The following BRI3BP variants were observed in gnomAD, a reference collection of about 807,000 sequenced individuals.
BRI3BP encodes the protein BRI3 binding protein.
BRI3BP carries 7 observed loss-of-function variants against 15.8 expected under a neutral mutation model. The ratio of observed to expected loss-of-function variants is 0.44; its 90% CI spans 0.25 to 0.83. BRI3BP has a LOEUF of 0.83. BRI3BP is among the 40% of genes least tolerant of loss of function. The pLI is 0.20. For synonymous variants in BRI3BP, 192 were observed against 163.5 expected (o/e 1.17, Z -1.33); for missense variants, 320 against 339.3 (o/e 0.94, Z 0.45).
At chr12:125,008,299 C>CTTTTTTTTTTTTTTTTTTTTTTT (rs55697100) in intron 1 of BRI3BP, among the ~76,000 whole-genome samples, 1 of 99,944 alleles carries the variant, frequency 1.0e-5, no homozygotes, top group Non-Finnish European at 1.8e-5. Context: ...CCTCTTCTTT[C>CTTTTTTTTTTTTTTTTTTTTTTT]TTTTTTTTTT....
intron 1 of BRI3BP, among the ~76,000 whole-genome samples, chr12:124,998,289 A>G (rs74649770): frequency 0.022 from 3,369 of 152,266 alleles, 130 homozygotes; most frequent in African/African-American, 0.074. Context: ...CTCCGTCTCA[A>G]AAAAAATTAT....
intron 2 of BRI3BP, among the ~76,000 whole-genome samples, chr12:125,024,083 AG>A (rs1194520900): frequency 6.6e-6 from 1 of 152,026 alleles, no homozygotes; most frequent in African/African-American, 2.4e-5. Context: ...ACCTGAGACT[AG>A]GTAATGCATA....
rs1302080418 is a variant in BRI3BP, at chr12:125,028,763, GT to G, written c.*3335del. On this transcript the variant is annotated 3_prime_UTR_variant, in exon 3 of 3. Transcript: ENST00000341446. ...CCCCAAAATAATTGGGGATTTTTTT[GT>G]TCCTTCTCCATTCCATGGAACCTTG... 1 of 152,056 alleles carries G rather than the reference GT, an allele frequency of 6.6e-6. No homozygotes were observed. The highest frequency in any genetic ancestry group is 1.5e-5 in the Non-Finnish European group (1 of 67,984). 9.4% of individuals were successfully genotyped at this position (152,056 alleles called of 1,614,324 possible).
chr12:125,023,073 C>T (rs1955314832), intron 2 of BRI3BP, among the ~76,000 whole-genome samples: 1 of 152,198 alleles, frequency 6.6e-6, no homozygotes, highest in African/African-American at 2.4e-5. Context: ...AGATGCTACT[C>T]TTACATTTCA....
chr12:125,025,306 G>GTCCCAGCAA lies in BRI3BP; in HGVS notation c.632_633insTCCCAGCAA (p.Asn217_Ser219dup). 6.2e-7 allele frequency: 1 copy of GTCCCAGCAA among 1,613,600 alleles called. No individual in the cohort carries two copies. The highest frequency in any genetic ancestry group is 8.5e-7 in the Non-Finnish European group (1 of 1,179,842). On this transcript the variant is annotated inframe_insertion, in exon 3 of 3. Coordinates refer to ENST00000341446, the MANE Select transcript of BRI3BP (RefSeq NM_080626.6). ...TTCTACTGGCGAAGCAGTCCCAGCG[G>GTCCCAGCAA]CCCCAGCAACCCCAGCAACCCCAGC...
chr12:125,017,008 G>GTAT (rs1292959723), intron 2 of BRI3BP, among the ~76,000 whole-genome samples: 1 of 146,912 alleles, frequency 6.8e-6, no homozygotes, highest in African/African-American at 2.5e-5. Flanking sequence ...GCTAACGTTT[G>GTAT]TATTATTATT....
chr12:125,001,581 C>G (rs902185554), intron 1 of BRI3BP, among the ~76,000 whole-genome samples: 6 of 151,652 alleles, frequency 4.0e-5, no homozygotes, highest in African/African-American at 1.5e-4. Context: ...CCCTGTGTTG[C>G]CCAGGCTGGT....
the BRI3BP span, among the ~76,000 whole-genome samples, chr12:125,047,472 C>CA: frequency 6.6e-6 from 1 of 150,390 alleles, no homozygotes; most frequent in South Asian, 2.1e-4. Context: ...CGCACCCGGC[C>CA]TTTTTTTTTC....
intron 2 of BRI3BP, 22 bp from the exon 3 acceptor site, chr12:125,024,969 G>A: frequency 1.3e-6 from 2 of 1,593,072 alleles, no homozygotes; most frequent in Non-Finnish European, 1.7e-6. Flanking sequence ...AACGAGCCCT[G>A]TTCCTCTTTT....
Position 124,993,732 on chromosome 12 carries a change from C to T in BRI3BP, c.-59C>T. On this transcript the variant is annotated 5_prime_UTR_variant, in exon 1 of 3. Coordinates refer to ENST00000341446, the MANE Select transcript of BRI3BP (RefSeq NM_080626.6). The stretch of plus-strand genomic sequence containing the variant: ...CCAACCTTGCCCTAGCCGGAGCCCG[C>T]TGCGGCCCAGCGCACGGCCCTCACC... 5.3e-6 allele frequency: 5 copies of T among 940,484 alleles called. No homozygotes were observed. The highest frequency in any genetic ancestry group is 1.8e-5 in the African/African-American group (1 of 55,808). The allele number at this position is 940,484 out of a possible 1,614,324, so 58.3% of individuals were successfully genotyped here.
In BRI3BP at chr12:125,031,116, GAT is replaced by G; in HGVS notation, c.*5689_*5690del. ...ATCACTGGCTTTGGTGTTATGTAGA[GAT>G]ATTTGTAGATCTCAGAACAGAATTA... On this transcript the variant is annotated 3_prime_UTR_variant, in exon 3 of 3. Transcript: ENST00000341446. 1 of 152,282 alleles carries G rather than the reference GAT, an allele frequency of 6.6e-6. No homozygotes were observed. The highest frequency in any genetic ancestry group is 2.1e-4 in the South Asian group (1 of 4,828). 9.4% of individuals were successfully genotyped at this position (152,282 alleles called of 1,614,324 possible).
At chr12:125,011,284 T>G (rs957056109) in intron 1 of BRI3BP, among the ~76,000 whole-genome samples, 4 of 152,092 alleles carry the variant, frequency 2.6e-5, no homozygotes, top group African/African-American at 7.2e-5. Flanking sequence ...TTACTCAGTT[T>G]TGCTCAGTTG....
chr12:125,012,137 T>A (rs1272306799), intron 1 of BRI3BP, among the ~76,000 whole-genome samples: 3 of 152,130 alleles, frequency 2.0e-5, no homozygotes, highest in African/African-American at 7.2e-5. Flanking sequence ...TGAGCTATCA[T>A]TGCACCACTG....
At position 125,025,373 on chromosome 12, in the gene BRI3BP, G is replaced by T; in HGVS notation, c.699G>T (p.Leu233=). Residue 233 remains leucine (L), a synonymous_variant, in exon 3 of 3, where the codon CTG becomes CTT. Transcript: ENST00000341446. ...KLEHLEKQVR[L]LNIRLNRVLE... ...AGCACCTGGAGAAGCAGGTCAGACT[G>T]CTCAACATCCGTCTCAACCGGGTGC... 6.2e-7 allele frequency: 1 copy of T among 1,612,212 alleles called. No individual in the cohort carries two copies. Among genetic ancestry groups the T allele is most frequent in the Non-Finnish European group, 8.5e-7 (1 of 1,179,354 alleles).
intron 1 of BRI3BP, among the ~76,000 whole-genome samples, chr12:125,012,144 A>T (rs1955201837): frequency 6.6e-6 from 1 of 152,168 alleles, no homozygotes; most frequent in South Asian, 2.1e-4. Context: ...TCATTGCACC[A>T]CTGCACTCCA....
At position 125,025,435 on chromosome 12, in the gene BRI3BP, C is replaced by A; in HGVS notation, c.*5C>A. 6.3e-7 allele frequency: 1 copy of A among 1,579,044 alleles called. No homozygotes were observed. Among genetic ancestry groups the A allele is most frequent in the South Asian group, 1.1e-5 (1 of 88,124 alleles). On this transcript the variant is annotated 3_prime_UTR_variant, in exon 3 of 3. Transcript: ENST00000341446. Reference sequence around the variant, plus strand: ...GACCGCTCCAAGGACAAGTGAAGGTCAGCCGGCCGGGCGGGTCCACAGTTA... The same window carrying A: ...GACCGCTCCAAGGACAAGTGAAGGTAAGCCGGCCGGGCGGGTCCACAGTTA...
At position 125,025,631 on chromosome 12, in the gene BRI3BP, A is replaced by C; in HGVS notation, c.*201A>C. On this transcript the variant is annotated 3_prime_UTR_variant, in exon 3 of 3. Transcript: ENST00000341446. ...GCGGAAAGATCATTGACGTGGAACT[A>C]CACACGAAGTGTAATTAGTGGGGGA... 1 of 567,848 alleles carries C rather than the reference A, an allele frequency of 1.8e-6. No individual in the cohort carries two copies. 35.2% of individuals were successfully genotyped at this position (567,848 alleles called of 1,614,324 possible).
At chr12:125,021,018 C>T (rs947685897) in intron 2 of BRI3BP, among the ~76,000 whole-genome samples, 1 of 152,214 alleles carries the variant, frequency 6.6e-6, no homozygotes, top group Admixed American at 6.5e-5. Flanking sequence ...TTCAATAATA[C>T]TGAAGAGTGC....
At chr12:125,043,308 G>A in the BRI3BP span, among the ~76,000 whole-genome samples, 4 of 152,128 alleles carry the variant, frequency 2.6e-5, no homozygotes, top group Admixed American at 2.0e-4. Context: ...CTGGCTGAAC[G>A]TCTGCTGCTC....
Sources: gnomAD v4.1 joint callset for allele counts (sites outside exome capture counted in the v4.1 genomes callset) on GRCh38, gnomAD v4.1.1 for gene constraint, MANE v1.5 for transcripts, NCBI Gene and HGNC (gene_info 2026-07-23, HGNC 2026-07-21) for gene names.